VWC2L: variants seen among roughly 807,000 people sequenced by gnomAD.
VWC2L encodes von Willebrand factor C domain-containing protein 2-like.
VWC2L carries 10 observed loss-of-function variants against 21.6 expected under a neutral mutation model. That is an observed-to-expected ratio of 0.46 (90% confidence interval 0.29 to 0.78). VWC2L has a LOEUF of 0.78. Ranked by LOEUF, VWC2L falls within the 30% of genes least tolerant of loss-of-function variation. The pLI is 0.10. For synonymous variants in VWC2L, 96 were observed against 94.3 expected (o/e 1.02, Z -0.10); for missense variants, 209 against 277.1 (o/e 0.75, Z 1.74).
chr2:214,556,157 G>A (rs1689869567), intron 3 of VWC2L, among the ~76,000 whole-genome samples: 1 of 152,166 alleles, frequency 6.6e-6, no homozygotes, highest in Admixed American at 6.5e-5. Context: ...CTACTCAGGG[G>A]GCTGAGGCAG....
At chr2:214,554,286 C>T (rs548109479) in intron 3 of VWC2L, among the ~76,000 whole-genome samples, 1 of 152,156 alleles carries the variant, frequency 6.6e-6, no homozygotes, top group Admixed American at 6.6e-5. Context: ...AAATTCTAAG[C>T]CCCTCAATTG....
At chr2:214,540,015 T>C (rs1167394217) in intron 3 of VWC2L, among the ~76,000 whole-genome samples, 1 of 152,102 alleles carries the variant, frequency 6.6e-6, no homozygotes, top group Non-Finnish European at 1.5e-5. Flanking sequence ...GAACCTACCA[T>C]ATCCTTCCCA....
At chr2:214,496,225 C>T (rs576711553) in intron 3 of VWC2L, among the ~76,000 whole-genome samples, 1 of 96,798 alleles carries the variant, frequency 1.0e-5, no homozygotes, top group South Asian at 2.9e-4. Context: ...AAAGTACAAT[C>T]AAAATAAGGT....
intron 3 of VWC2L, among the ~76,000 whole-genome samples, chr2:214,460,948 G>T (rs887562227): frequency 9.2e-5 from 14 of 152,152 alleles, no homozygotes; most frequent in Non-Finnish European, 7.3e-5. Context: ...CTATGGTATT[G>T]TCTGGGTAGG....
chr2:214,560,139 ACAGC>A (rs1391695904), intron 3 of VWC2L, among the ~76,000 whole-genome samples: 1 of 152,196 alleles, frequency 6.6e-6, no homozygotes, highest in Non-Finnish European at 1.5e-5. Flanking sequence ...CTAGCTATCT[ACAGC>A]CAGTTAGTTT....
At position 214,414,214 on chromosome 2, in the gene VWC2L, A is replaced by G. The variant is rs556831826; in HGVS notation, c.21A>G (p.Glu7=). 1 of 1,612,586 alleles carries G rather than the reference A, an allele frequency of 6.2e-7. No individual in the cohort carries two copies. Among genetic ancestry groups the G allele is most frequent in the East Asian group, 2.2e-5 (1 of 44,872 alleles). The change falls in exon 2 of 4, where the codon GAA becomes GAG. Residue 7 remains glutamate, a synonymous_variant. Transcript: ENST00000312504. MALHIH[E]ACILLLVIPG... is the part of the protein sequence containing the mutation. The stretch of plus-strand genomic sequence containing the variant: ...GGGGGATGGCTCTTCATATTCATGA[A>G]GCTTGCATACTTCTGTTGGTCATCC...
At chr2:214,489,024 T>C (rs1211739394) in intron 3 of VWC2L, among the ~76,000 whole-genome samples, 4 of 152,196 alleles carry the variant, frequency 2.6e-5, no homozygotes, top group Admixed American at 2.6e-4. Context: ...GGGGACAAAC[T>C]TGATACATTT....
chr2:214,467,427 G>T (rs767644959), intron 3 of VWC2L, among the ~76,000 whole-genome samples: 3 of 152,120 alleles, frequency 2.0e-5, no homozygotes, highest in Admixed American at 6.6e-5. Flanking sequence ...GAAGTCATCT[G>T]ATTTTCCCTA....
At chr2:214,453,120 T>C (rs1472324766) in intron 3 of VWC2L, among the ~76,000 whole-genome samples, 2 of 152,222 alleles carry the variant, frequency 1.3e-5, no homozygotes, top group Non-Finnish European at 2.9e-5. Context: ...CTTTTGGTTG[T>C]AACCAAGAAA....
In VWC2L at chr2:214,578,704, T is replaced by C. The variant is rs950947756; in HGVS notation, c.*2884T>C. ...TTGTTTGCAGCCACACTGTCATCTC[T>C]GTACTCCTATTTCTCCTCCGCCTTT... On this transcript the variant is annotated 3_prime_UTR_variant, in exon 4 of 4. Coordinates refer to ENST00000312504, the MANE Select transcript of VWC2L (RefSeq NM_001080500.4). 1 of 152,186 alleles carries C rather than the reference T, an allele frequency of 6.6e-6. No homozygotes were observed. Among genetic ancestry groups the C allele is most frequent in the African/African-American group, 2.4e-5 (1 of 41,446 alleles). The allele number at this position is 152,186 out of a possible 1,614,324, so 9.4% of individuals were successfully genotyped here.
intron 3 of VWC2L, among the ~76,000 whole-genome samples, chr2:214,484,727 C>T (rs1407808022): frequency 6.6e-6 from 1 of 152,078 alleles, no homozygotes; most frequent in Non-Finnish European, 1.5e-5. Context: ...ATTTTAAAGT[C>T]CTTTGAAAAG....
At chr2:214,572,774 A>G (rs766425186) in intron 3 of VWC2L, among the ~76,000 whole-genome samples, 27 of 152,316 alleles carry the variant, frequency 1.8e-4, no homozygotes, top group Admixed American at 7.2e-4. Context: ...GTTCTCAGAC[A>G]GGTACTAATA....
At chr2:214,451,070 T>C (rs1375840198) in intron 3 of VWC2L, among the ~76,000 whole-genome samples, 2 of 152,068 alleles carry the variant, frequency 1.3e-5, no homozygotes, top group Non-Finnish European at 2.9e-5. Flanking sequence ...TCCTAAAGCG[T>C]AGTCCCAGAC....
intron 3 of VWC2L, among the ~76,000 whole-genome samples, chr2:214,506,897 TAGAA>T (rs1168064057): frequency 6.6e-6 from 1 of 151,992 alleles, no homozygotes; most frequent in Non-Finnish European, 1.5e-5. Context: ...TCTAAATATA[TAGAA>T]AGAAGAGTAC....
chr2:214,566,275 T>C (rs978073507), intron 3 of VWC2L, among the ~76,000 whole-genome samples: 154 of 152,338 alleles, frequency 1.0e-3, no homozygotes, highest in African/African-American at 3.6e-3. Flanking sequence ...ACCCGAACTA[T>C]GCCAGGTTCT....
At chr2:214,463,607 TTC>T (rs1178490554) in intron 3 of VWC2L, among the ~76,000 whole-genome samples, 6 of 152,184 alleles carry the variant, frequency 3.9e-5, no homozygotes, top group Admixed American at 6.5e-5. Flanking sequence ...GTTTAATTTT[TTC>T]TGTTTCTTCA....
intron 3 of VWC2L, among the ~76,000 whole-genome samples, chr2:214,560,900 G>C (rs576020761): frequency 9.2e-5 from 14 of 152,278 alleles, no homozygotes; most frequent in African/African-American, 2.6e-4. Flanking sequence ...CCATGTACTT[G>C]CTCAGAATTT....
intron 3 of VWC2L, among the ~76,000 whole-genome samples, chr2:214,470,990 G>A (rs1703300540): frequency 6.7e-6 from 1 of 149,366 alleles, no homozygotes; most frequent in African/African-American, 2.5e-5. Context: ...TCAAAATTAG[G>A]TTCAAGGTCA....
At position 214,538,522 on chromosome 2, in the gene VWC2L, T is replaced by A. The variant is rs972398664; in HGVS notation, c.521-37150T>A. ...AAAATTTTCTAACTAAAGCAAATATTTTTTATTGGACAACTACTGCAACAT... is the reference window on the plus strand; with the variant it reads ...AAAATTTTCTAACTAAAGCAAATATATTTTATTGGACAACTACTGCAACAT... On this transcript the variant is annotated intron_variant, in intron 3 of 3. Coordinates refer to ENST00000312504, the MANE Select transcript of VWC2L (RefSeq NM_001080500.4). Among the ~76,000 whole-genome samples, 13 of 151,972 alleles carry A rather than the reference T, an allele frequency of 8.6e-5. 1 individual carries two copies. The highest frequency in any genetic ancestry group is 3.1e-4 in the African/African-American group (13 of 41,386).
Sources: allele counts gnomAD v4.1 joint callset (sites outside exome capture counted in the v4.1 genomes callset), GRCh38; gene constraint gnomAD v4.1.1; transcripts MANE v1.5; gene names NCBI Gene and HGNC (gene_info 2026-07-23, HGNC 2026-07-21).